Variants in ADAMTS12 observed in about 807,000 individuals in gnomAD.
ADAMTS12 encodes the protein A disintegrin and metalloproteinase with thrombospondin motifs 12.
Under a neutral mutation model 167.8 loss-of-function variants are expected in ADAMTS12, and 118 were observed. The observed-to-expected ratio is 0.70, with a 90% confidence interval of 0.61 to 0.82. The LOEUF (loss-of-function observed/expected upper bound fraction) is 0.82, where lower values mean the gene tolerates loss of function less well. Ranked by LOEUF, ADAMTS12 falls within the 40% of genes least tolerant of loss-of-function variation. ADAMTS12 has a pLI of 0.00. For synonymous variants in ADAMTS12, 704 were observed against 716.9 expected (o/e 0.98, Z 0.29); for missense variants, 1,916 against 1,998.8 (o/e 0.96, Z 0.79).
At chr5:33,807,600 A>G (rs1223770973) in intron 2 of ADAMTS12, among the ~76,000 whole-genome samples, 1 of 152,214 alleles carries the variant, frequency 6.6e-6, no homozygotes, top group Non-Finnish European at 1.5e-5. Context: ...TATTGTTTTC[A>G]TAATCATTGG....
chr5:33,668,476 T>C (rs1741553048), intron 5 of ADAMTS12, among the ~76,000 whole-genome samples: 1 of 152,204 alleles, frequency 6.6e-6, no homozygotes, highest in Admixed American at 6.5e-5. Context: ...TCTACTGATT[T>C]ACATTACAGT....
At chr5:33,851,822 C>A (rs1004968527) in intron 2 of ADAMTS12, among the ~76,000 whole-genome samples, 1 of 152,210 alleles carries the variant, frequency 6.6e-6, no homozygotes, top group African/African-American at 2.4e-5. Context: ...TCAGGTAAAA[C>A]CCCTTTCTGC....
At chr5:33,795,381 C>A (rs180827359) in intron 2 of ADAMTS12, among the ~76,000 whole-genome samples, 1 of 152,062 alleles carries the variant, frequency 6.6e-6, no homozygotes, top group African/African-American at 2.4e-5. Flanking sequence ...AAATGCCCCA[C>A]GATGTAGTGC....
At position 33,576,973 on chromosome 5, in the gene ADAMTS12, G is replaced by A. The variant is rs747051994; in HGVS notation, c.3053C>T (p.Thr1018Ile). 3.1e-6 allele frequency: 5 copies of A among 1,614,210 alleles called. No homozygotes were observed. The South Asian group carries it at 3.3e-5, about 11-fold the overall frequency. Residue 1018 changes from threonine (T) to isoleucine (I), a missense_variant, in exon 19 of 24, where the codon ACA becomes ATA. Transcript: ENST00000504830. ...TGTAGGTGGAGGGACGGGCTTTAGT[G>A]TTGGTGGGTTTTTTCCATTGGAAAT... ...GTISNGKNPP[T>I]LKPVPPPTSR...
intron 19 of ADAMTS12, among the ~76,000 whole-genome samples, chr5:33,569,784 G>A (rs1378996315): frequency 1.3e-5 from 2 of 152,178 alleles, no homozygotes; most frequent in African/African-American, 2.4e-5. Flanking sequence ...GGCTTCAGAC[G>A]ATCAAACTAC....
intron 17 of ADAMTS12, among the ~76,000 whole-genome samples, chr5:33,591,076 G>GTCTAA (rs1747612690): frequency 4.1e-5 from 4 of 97,198 alleles, no homozygotes; most frequent in African/African-American, 1.7e-4. Flanking sequence ...TTATCTAAAT[G>GTCTAA]TCTAAGTGTG....
intron 14 of ADAMTS12, among the ~76,000 whole-genome samples, chr5:33,618,671 T>C (rs1050416169): frequency 1.2e-4 from 18 of 152,226 alleles, no homozygotes; most frequent in African/African-American, 4.1e-4. Context: ...CCTGGTGTGG[T>C]GTCTAGCAAC....
intron 23 of ADAMTS12, among the ~76,000 whole-genome samples, chr5:33,529,659 A>G (rs1744000234): frequency 6.6e-6 from 1 of 152,154 alleles, no homozygotes; most frequent in Non-Finnish European, 1.5e-5. Context: ...AATTCTTTTT[A>G]TCTCCTCAGA....
At chr5:33,627,367 G>A (rs916182738) in intron 13 of ADAMTS12, among the ~76,000 whole-genome samples, 5 of 131,508 alleles carry the variant, frequency 3.8e-5, no homozygotes, top group Non-Finnish European at 7.9e-5. Context: ...GATGGTGGTG[G>A]TGTTGATGGT....
chr5:33,540,341 C>A (rs185366), intron 22 of ADAMTS12, among the ~76,000 whole-genome samples: 67,040 of 151,860 alleles, frequency 0.44, 16,329 homozygotes, highest in East Asian at 0.76. Context: ...CAGCTCAGCA[C>A]GGCCTACTGC....
intron 19 of ADAMTS12, among the ~76,000 whole-genome samples, chr5:33,564,991 G>A (rs773353826): frequency 3.9e-5 from 6 of 152,004 alleles, no homozygotes; most frequent in Admixed American, 1.3e-4. Context: ...GTGATTCTAC[G>A]GGCTCTAAGT....
intron 2 of ADAMTS12, among the ~76,000 whole-genome samples, chr5:33,778,708 A>T (rs1482543287): frequency 6.6e-6 from 1 of 152,088 alleles, no homozygotes; most frequent in Non-Finnish European, 1.5e-5. Context: ...CACAGCAAAG[A>T]AAAAAAATCA....
Position 33,526,714 on chromosome 5 carries a change from G to A in ADAMTS12, c.*474C>T, listed in dbSNP as rs985915575. On this transcript the variant is annotated 3_prime_UTR_variant, in exon 24 of 24. Transcript: ENST00000504830. ...ATTAAAGGAATGTTCCTAAAGCTCC[G>A]CTGTGACATTTTAAATAGCAGCTGC... is the stretch of plus-strand genomic sequence containing the variant. 4.5e-5 allele frequency: 7 copies of A among 154,994 alleles called. No homozygotes were observed. The highest frequency in any genetic ancestry group is 3.8e-4 in the East Asian group (2 of 5,270). The allele number at this position is 154,994 out of a possible 1,614,324, so 9.6% of individuals were successfully genotyped here.
intron 2 of ADAMTS12, among the ~76,000 whole-genome samples, chr5:33,803,228 C>T (rs1040983269): frequency 1.3e-5 from 2 of 152,148 alleles, no homozygotes; most frequent in Admixed American, 1.3e-4. Context: ...AACAAAAAAA[C>T]CCACAGACAA....
intron 3 of ADAMTS12, among the ~76,000 whole-genome samples, chr5:33,745,894 A>G (rs1195797260): frequency 1.3e-5 from 2 of 152,172 alleles, no homozygotes; most frequent in Non-Finnish European, 2.9e-5. Flanking sequence ...TCATGCATTA[A>G]GCATTTCCCC....
chr5:33,585,412 G>A (rs1159287079), intron 18 of ADAMTS12, among the ~76,000 whole-genome samples: 1 of 152,156 alleles, frequency 6.6e-6, no homozygotes, highest in African/African-American at 2.4e-5. Context: ...AATGTCTAGA[G>A]CCCTTTTATT....
intron 18 of ADAMTS12, among the ~76,000 whole-genome samples, chr5:33,585,167 G>T (rs73080315): frequency 0.04 from 6,081 of 151,988 alleles, 381 homozygotes; most frequent in African/African-American, 0.13. Context: ...TATAATTTTG[G>T]CAATTTATTT....
chr5:33,798,498 T>C (rs1216148499), intron 2 of ADAMTS12, among the ~76,000 whole-genome samples: 2 of 140,866 alleles, frequency 1.4e-5, no homozygotes, highest in Non-Finnish European at 3.0e-5. Flanking sequence ...TGGAATGCAA[T>C]GGTGCAATCT....
intron 2 of ADAMTS12, among the ~76,000 whole-genome samples, chr5:33,821,160 G>C (rs1747853633): frequency 6.6e-6 from 1 of 152,048 alleles, no homozygotes; most frequent in African/African-American, 2.4e-5. Flanking sequence ...CATCTCACAT[G>C]ATCATAACAC....
Sources: allele counts gnomAD v4.1 joint callset (sites outside exome capture counted in the v4.1 genomes callset), GRCh38; gene constraint gnomAD v4.1.1; transcripts MANE v1.5; gene names NCBI Gene and HGNC (gene_info 2026-07-23, HGNC 2026-07-21).